The following SAGE1 variants were observed in gnomAD, a reference collection of about 807,000 sequenced individuals.
The protein encoded by SAGE1 is sarcoma antigen 1, also known as cancer/testis antigen 14.
Under a neutral mutation model 55.4 loss-of-function variants are expected in SAGE1, and 55 were observed. That is an observed-to-expected ratio of 0.99 (90% CI 0.80 to 1.24). SAGE1 has a LOEUF of 1.24. Ranked by LOEUF, SAGE1 falls within the 50% of genes most tolerant of loss-of-function variation. The pLI is 0.00. For synonymous variants in SAGE1, 240 were observed against 244.3 expected (o/e 0.98, Z 0.17); for missense variants, 710 against 704.4 (o/e 1.01, Z -0.09).
intron 11 of SAGE1, 78 bp from the exon 12 acceptor site, chrX:135,908,399 A>G: frequency 9.2e-7 from 1 of 1,085,082 alleles, no homozygotes; most frequent in Non-Finnish European, 1.2e-6. Context: ...CTAGAAACTG[A>G]GCATCAGAGG....
At chrX:135,901,776 C>A (rs1465755095) in intron 3 of SAGE1, 85 bp downstream of exon 3, 45 of 916,456 alleles carry the variant, frequency 4.9e-5, no homozygotes, top group Non-Finnish European at 6.4e-5. Flanking sequence ...GATATGAGCA[C>A]ATTTGCAAGT....
chrX:135,907,118 T>C (rs782610874), intron 8 of SAGE1, 52 bp downstream of exon 8: 46 of 1,150,196 alleles, frequency 4.0e-5, no homozygotes, highest in Non-Finnish European at 4.8e-5. Flanking sequence ...TATACGTGCA[T>C]ATTGTCATGA....
intron 1 of SAGE1, among the ~76,000 whole-genome samples, chrX:135,895,617 A>G (rs2088573211): frequency 8.9e-6 from 1 of 111,935 alleles, no homozygotes; most frequent in Non-Finnish European, 1.9e-5. Flanking sequence ...GTTTTTAATC[A>G]GAGTGTTCTA....
intron 2 of SAGE1, among the ~76,000 whole-genome samples, chrX:135,900,349 G>A (rs1556595754): frequency 9.0e-5 from 10 of 111,697 alleles, no homozygotes. Flanking sequence ...AAGCCAACTT[G>A]ATCATGGGGA....
chrX:135,898,018 A>T (rs781876625), intron 2 of SAGE1, among the ~76,000 whole-genome samples: 30 of 110,492 alleles, frequency 2.7e-4, no homozygotes, highest in African/African-American at 8.9e-4. Flanking sequence ...TTCCTTTTTT[A>T]TTTTTTTTCT....
At chrX:135,895,856 T>G (rs1474857128) in intron 1 of SAGE1, among the ~76,000 whole-genome samples, 1 of 111,743 alleles carries the variant, frequency 8.9e-6, no homozygotes, top group Non-Finnish European at 1.9e-5. Context: ...TTCTAAATAT[T>G]AAAGTATTAA....
intron 19 of SAGE1, 61 bp downstream of exon 19, chrX:135,912,475 G>A (rs983567654): frequency 8.4e-7 from 1 of 1,186,113 alleles, no homozygotes; most frequent in Admixed American, 2.7e-5. Flanking sequence ...TGGGACAGGG[G>A]CAGGAAAAAA....
In SAGE1 at chrX:135,908,614, C is replaced by T. The variant is rs782039874; in HGVS notation, c.1438C>T (p.Leu480=). 9.2e-6 allele frequency: 11 copies of T among 1,190,690 alleles called. No homozygotes were observed. The African/African-American group carries it at 1.9e-4, about 21-fold the overall frequency. Reference sequence around the variant, plus strand: ...TATTCCAGCAATGAGTTCCAGGGATCTGTGTATGTGTGTTTTTTAGTTATA... The same window carrying T: ...TATTCCAGCAATGAGTTCCAGGGATTTGTGTATGTGTGTTTTTTAGTTATA... ...ASIPAMSSRD[L]YATITHSVRE... Residue 480 remains leucine (L), a synonymous_variant, in exon 12 of 20, where the codon CTG becomes TTG. Coordinates refer to ENST00000370709, the MANE Select transcript of SAGE1 (RefSeq NM_001381902.1).
intron 2 of SAGE1, 125 bp downstream of exon 2, chrX:135,896,454 A>G (rs1389939309): frequency 4.2e-6 from 2 of 471,850 alleles, no homozygotes; most frequent in Admixed American, 7.4e-5. Flanking sequence ...AATATGACAC[A>G]GGAAATCTTA....
rs1556600040 is a variant in SAGE1, at chrX:135,905,381, C to T, written c.443C>T (p.Thr148Ile). The change falls in exon 5 of 20, where the codon ACC (threonine) becomes ATC (isoleucine). Residue 148 changes from threonine to isoleucine, a missense_variant. By Grantham distance (89) the Thr-to-Ile change is moderately conservative. Transcript: ENST00000370709. ...MAAAGIPSMS[T>I]RDLHSTVTHN... is the part of the protein sequence containing the mutation. ...GCAGCTGGTATTCCATCCATGAGTA[C>T]CAGGGATCTGCGTATGTCTGCTAAT... is the stretch of plus-strand genomic sequence containing the variant. 1 of 1,204,063 alleles carries T rather than the reference C, an allele frequency of 8.3e-7. No homozygotes were observed. Among genetic ancestry groups the T allele is most frequent in the East Asian group, 3.0e-5 (1 of 33,793 alleles).
intron 5 of SAGE1, 37 bp from the exon 6 acceptor site, chrX:135,905,987 C>T: frequency 8.6e-7 from 1 of 1,158,351 alleles, no homozygotes; most frequent in Non-Finnish European, 1.2e-6. Context: ...ACGTAATGCA[C>T]TTACCTCACA....
intron 1 of SAGE1, 153 bp from the exon 2 acceptor site, chrX:135,896,090 A>G (rs2088579557): frequency 2.3e-6 from 1 of 434,826 alleles, no homozygotes. Context: ...TCTGGTACCA[A>G]GGCACACATT....
Position 135,898,103 on chromosome X carries a change from C to T in SAGE1, c.87+1774C>T, listed in dbSNP as rs1348784932. Among the ~76,000 whole-genome samples, 3 of 111,536 alleles carry T rather than the reference C, an allele frequency of 2.7e-5. No individual in the cohort carries two copies. In the East Asian group the frequency reaches 8.5e-4, roughly 31 times the overall value. ...CATGATCTCGGCTCACTGCAAGCTC[C>T]GCCTCCCGGGCTCATGCCATTCTCC... On this transcript the variant is annotated intron_variant, in intron 2 of 19. Transcript: ENST00000370709.
intron 11 of SAGE1, 98 bp downstream of exon 11, chrX:135,908,327 G>C: frequency 9.6e-7 from 1 of 1,036,985 alleles, no homozygotes; most frequent in South Asian, 2.2e-5. Flanking sequence ...TCTTTCGTGA[G>C]TTGAATTTGT....
At chrX:135,903,612 G>A (rs1395458609) in intron 3 of SAGE1, among the ~76,000 whole-genome samples, 1 of 112,418 alleles carries the variant, frequency 8.9e-6, no homozygotes, top group Admixed American at 9.4e-5. Context: ...TGTGATGATG[G>A]AGTGGTGATA....
chrX:135,894,945 A>G (rs1188279094), intron 1 of SAGE1, among the ~76,000 whole-genome samples: 1 of 108,795 alleles, frequency 9.2e-6, no homozygotes, highest in East Asian at 2.9e-4. Context: ...TATTTTTTTA[A>G]TGTTTTAATA....
Position 135,910,560 on chromosome X carries a change from G to T in SAGE1, c.2005+5G>T, listed in dbSNP as rs782170829. The T allele has an allele frequency of 7.5e-6, 9 of 1,207,181 alleles. No homozygotes were observed. In the East Asian group the frequency reaches 2.4e-4, roughly 32 times the overall value. On this transcript the variant is annotated splice_donor_5th_base_variant and intron_variant, in intron 16 of 19. Transcript: ENST00000370709. ...CCACGATTACCAGGGATCTGTGTATGTCTGCTTATTAGTTGTGCTGTCCTA... is the reference window on the plus strand; with the variant it reads ...CCACGATTACCAGGGATCTGTGTATTTCTGCTTATTAGTTGTGCTGTCCTA...
At chrX:135,898,318 C>T (rs1432873476) in intron 2 of SAGE1, among the ~76,000 whole-genome samples, 2 of 112,276 alleles carry the variant, frequency 1.8e-5, no homozygotes, top group African/African-American at 6.5e-5. Context: ...CGCACCCGGC[C>T]GATCTCATTC....
rs1211345002 is a variant in SAGE1, at chrX:135,912,283, TG to T, written c.2522-37del. 6 of 1,176,488 alleles carry T rather than the reference TG, an allele frequency of 5.1e-6. No homozygotes were observed. In the African/African-American group the frequency reaches 1.1e-4, roughly 21 times the overall value. ...CTAAGATTGAGGTATATTTCATTTT[TG>T]TAATTGTAGAAATACTAATTTTTAA... On this transcript the variant is annotated intron_variant, in intron 18 of 19. Transcript: ENST00000370709.
Sources: gnomAD v4.1 joint callset for allele counts (sites outside exome capture counted in the v4.1 genomes callset) on GRCh38, gnomAD v4.1.1 for gene constraint, MANE v1.5 for transcripts, NCBI Gene and HGNC (gene_info 2026-07-23, HGNC 2026-07-21) for gene names.